EPHA6: variants seen among roughly 807,000 people sequenced by gnomAD.
EPHA6 encodes EPH receptor A6.
In EPHA6, 50 loss-of-function variants were observed where a neutral mutation model predicts 112.0. That is an observed-to-expected ratio of 0.45 (90% CI 0.36 to 0.56). The LOEUF is 0.56. EPHA6 is among the 20% of genes least tolerant of loss of function. The probability of loss-of-function intolerance (pLI) is 0.00; values close to 1 mark genes in which losing one functional copy is unlikely to be tolerated. For synonymous variants in EPHA6, 529 were observed against 490.7 expected (o/e 1.08, Z -1.03); for missense variants, 1,280 against 1,417.4 (o/e 0.90, Z 1.56).
In EPHA6 at chr3:97,750,383, T is replaced by C. The variant is rs1015483857; in HGVS notation, c.*1682T>C. 1.3e-5 allele frequency among the ~76,000 whole-genome samples: 2 copies of C among 151,872 alleles called. No homozygotes were observed. The highest frequency in any genetic ancestry group is 4.8e-5 in the African/African-American group (2 of 41,336). ...TTTGTTTGTTTTTGAGACGGAGGCG[T>C]TTTGCTCTTGTTGCCCAGGCTGGAG... is the stretch of plus-strand genomic sequence containing the variant. On this transcript the variant is annotated 3_prime_UTR_variant, in exon 18 of 18. Coordinates refer to ENST00000389672, the MANE Select transcript of EPHA6 (RefSeq NM_001080448.3).
intron 2 of EPHA6, among the ~76,000 whole-genome samples, chr3:96,928,721 TAA>T (rs978096649): frequency 5.9e-5 from 9 of 152,304 alleles, no homozygotes; most frequent in African/African-American, 2.2e-4. Context: ...AGTGGGGTGG[TAA>T]AGTCTCCCAC....
intron 5 of EPHA6, among the ~76,000 whole-genome samples, chr3:97,294,679 T>A (rs1295166896): frequency 6.6e-6 from 1 of 152,168 alleles, no homozygotes; most frequent in African/African-American, 2.4e-5. Context: ...CTTATCTTCA[T>A]TTGTGTGATT....
chr3:96,922,184 A>G (rs2107631981), intron 2 of EPHA6, among the ~76,000 whole-genome samples: 1 of 152,336 alleles, frequency 6.6e-6, no homozygotes, highest in East Asian at 1.9e-4. Flanking sequence ...TAGGAACTCT[A>G]TTTCTGGTTA....
chr3:96,930,111 C>T (rs539127832), intron 2 of EPHA6, among the ~76,000 whole-genome samples: 1 of 152,274 alleles, frequency 6.6e-6, no homozygotes, highest in African/African-American at 2.4e-5. Flanking sequence ...TGGTTGTCAG[C>T]TCCTGTATTG....
chr3:97,071,776 A>G (rs917748768), intron 3 of EPHA6, among the ~76,000 whole-genome samples: 3 of 151,888 alleles, frequency 2.0e-5, no homozygotes, highest in African/African-American at 4.8e-5. Context: ...GTTTGGTTAC[A>G]TAAGTTCTTT....
intron 2 of EPHA6, among the ~76,000 whole-genome samples, chr3:96,928,390 A>T (rs2040148775): frequency 6.6e-6 from 1 of 152,242 alleles, no homozygotes; most frequent in Non-Finnish European, 1.5e-5. Context: ...CGCGAAAGTC[A>T]TTCAGGAGCA....
At chr3:96,840,530 T>A (rs947290483) in intron 1 of EPHA6, among the ~76,000 whole-genome samples, 1 of 152,200 alleles carries the variant, frequency 6.6e-6, no homozygotes, top group African/African-American at 2.4e-5. Flanking sequence ...GCAAGAGTGA[T>A]AGCAGCAGTT....
chr3:97,499,495 A>C (rs1227039203), intron 10 of EPHA6, among the ~76,000 whole-genome samples: 5 of 152,182 alleles, frequency 3.3e-5, no homozygotes, highest in African/African-American at 1.2e-4. Context: ...ATATGCTCTG[A>C]GAAATGCATT....
At chr3:97,045,304 T>A (rs1027444062) in intron 3 of EPHA6, among the ~76,000 whole-genome samples, 2 of 151,994 alleles carry the variant, frequency 1.3e-5, no homozygotes, top group Non-Finnish European at 2.9e-5. Context: ...CAAGATTATC[T>A]CCCTGACAGA....
intron 3 of EPHA6, among the ~76,000 whole-genome samples, chr3:97,104,740 A>G (rs2047513788): frequency 6.6e-6 from 1 of 152,068 alleles, no homozygotes; most frequent in African/African-American, 2.4e-5. Flanking sequence ...TTTGTACATC[A>G]GGTAGAATCC....
chr3:97,495,034 C>T (rs143361113), intron 10 of EPHA6, among the ~76,000 whole-genome samples: 2 of 152,098 alleles, frequency 1.3e-5, no homozygotes, highest in African/African-American at 2.4e-5. Flanking sequence ...ACAGGGATAG[C>T]ACGTTTCCTG....
At chr3:97,158,774 G>A (rs150160091) in intron 3 of EPHA6, among the ~76,000 whole-genome samples, 38 of 152,266 alleles carry the variant, frequency 2.5e-4, no homozygotes, top group African/African-American at 8.4e-4. Context: ...AATTGGACCA[G>A]GGGAACAATC....
At chr3:97,110,823 C>T (rs1202531197) in intron 3 of EPHA6, among the ~76,000 whole-genome samples, 2 of 152,050 alleles carry the variant, frequency 1.3e-5, no homozygotes, top group Non-Finnish European at 2.9e-5. Flanking sequence ...GCCACCATGC[C>T]TGGCCATCTT....
chr3:97,348,751 T>A (rs913497790), intron 5 of EPHA6, among the ~76,000 whole-genome samples: 2 of 151,986 alleles, frequency 1.3e-5, no homozygotes, highest in Non-Finnish European at 2.9e-5. Context: ...ACTAAGTGTA[T>A]CACAAGGTAG....
chr3:97,509,194 T>C (rs2092319216), intron 10 of EPHA6, among the ~76,000 whole-genome samples: 1 of 151,744 alleles, frequency 6.6e-6, no homozygotes, highest in Admixed American at 6.6e-5. Context: ...CATTTAAGGG[T>C]AATATTGCTA....
intron 2 of EPHA6, among the ~76,000 whole-genome samples, chr3:96,941,183 C>T (rs192848433): frequency 9.9e-5 from 15 of 152,284 alleles, no homozygotes; most frequent in African/African-American, 3.4e-4. Flanking sequence ...GGATAATATC[C>T]TGCAGAGTGT....
At chr3:97,728,143 T>G (rs1019085619) in intron 15 of EPHA6, among the ~76,000 whole-genome samples, 1 of 152,076 alleles carries the variant, frequency 6.6e-6, no homozygotes, top group Non-Finnish European at 1.5e-5. Context: ...TCCCTTTTTC[T>G]TTGTAGTCAT....
intron 7 of EPHA6, among the ~76,000 whole-genome samples, chr3:97,459,203 T>C (rs2090802279): frequency 6.6e-6 from 1 of 152,040 alleles, no homozygotes; most frequent in African/African-American, 2.4e-5. Flanking sequence ...TGGAGCTTTC[T>C]AGTAACTGGA....
chr3:97,629,605 A>G (rs1057064430), intron 13 of EPHA6, among the ~76,000 whole-genome samples: 17 of 152,042 alleles, frequency 1.1e-4, no homozygotes, highest in African/African-American at 3.6e-4. Flanking sequence ...TATATAATGT[A>G]AAATTATATA....
Sources: gnomAD v4.1 joint callset for allele counts (sites outside exome capture counted in the v4.1 genomes callset) on GRCh38, gnomAD v4.1.1 for gene constraint, MANE v1.5 for transcripts, NCBI Gene and HGNC (gene_info 2026-07-23, HGNC 2026-07-21) for gene names.